GOLGA8J: variants seen among roughly 807,000 people sequenced by gnomAD.
GOLGA8J encodes the protein golgin A8 family member J.
Under a neutral mutation model 67.7 loss-of-function variants are expected in GOLGA8J, and 19 were observed. The observed-to-expected ratio is 0.28, with a 90% confidence interval of 0.20 to 0.41. GOLGA8J has a LOEUF of 0.41. GOLGA8J is among the 10% of genes least tolerant of loss of function. The probability of loss-of-function intolerance (pLI) is 1.00; values close to 1 mark genes in which losing one functional copy is unlikely to be tolerated. For synonymous variants in GOLGA8J, 69 were observed against 215.9 expected (o/e 0.32, Z 5.97); for missense variants, 205 against 584.3 (o/e 0.35, Z 6.69).
In GOLGA8J at chr15:30,089,833, C is replaced by T. The variant is rs550279228; in HGVS notation, c.1008C>T (p.Asn336=). 5 of 1,556,158 alleles carry T rather than the reference C, an allele frequency of 3.2e-6. No homozygotes were observed. Among genetic ancestry groups the T allele is most frequent in the Admixed American group, 1.7e-5 (1 of 58,068 alleles). The change falls in exon 12 of 19, where the codon AAC becomes AAT. Residue 336 remains asparagine, a synonymous_variant. Transcript: ENST00000567927. ...VKNNQRISLL[N]QRQEERIREQ... ...ACAATCAGCGCATAAGTCTCCTGAACCAGCGACAAGAAGAGAGGATTCGGG... is the reference window on the plus strand; with the variant it reads ...ACAATCAGCGCATAAGTCTCCTGAATCAGCGACAAGAAGAGAGGATTCGGG...
rs1308212833 is a variant in GOLGA8J at position 30,095,515 on chromosome 15, T to C, written c.*2016T>C. On this transcript the variant is annotated 3_prime_UTR_variant, in exon 19 of 19. Transcript: ENST00000567927. ...TGGTACGATTTGTAGCCCGTGGGTT[T>C]AAAATGCACTTAAAGTCCTGTTCTC... 1.4e-5 allele frequency among the ~76,000 whole-genome samples: 2 copies of C among 142,994 alleles called. No homozygotes were observed. The highest frequency in any genetic ancestry group is 3.0e-5 in the Non-Finnish European group (2 of 66,378). The allele number at this position is 142,994 out of a possible 152,430, so 93.8% of individuals were successfully genotyped here.
Position 30,095,727 on chromosome 15 carries a change from G to T in GOLGA8J, c.*2228G>T, listed in dbSNP as rs1429852344. On this transcript the variant is annotated 3_prime_UTR_variant, in exon 19 of 19. Coordinates refer to ENST00000567927, the MANE Select transcript of GOLGA8J (RefSeq NM_001282472.2). Reference sequence around the variant, plus strand: ...TTATCTAATACATTGATAAATTATTGCAAAGGTACTTTTATCGTTGAAATC... The same window carrying T: ...TTATCTAATACATTGATAAATTATTTCAAAGGTACTTTTATCGTTGAAATC... Among the ~76,000 whole-genome samples, 2 of 87,844 alleles carry T rather than the reference G, an allele frequency of 2.3e-5. No individual in the cohort carries two copies. The highest frequency in any genetic ancestry group is 1.6e-4 in the African/African-American group (2 of 12,500). 57.6% of individuals were successfully genotyped at this position (87,844 alleles called of 152,430 possible).
chr15:30,094,930 A>G lies in GOLGA8J; in HGVS notation c.*1431A>G, dbSNP rs1190659173. 7.2e-6 allele frequency among the ~76,000 whole-genome samples: 1 copy of G among 138,160 alleles called. No homozygotes were observed. Among genetic ancestry groups the G allele is most frequent in the Non-Finnish European group, 1.5e-5 (1 of 66,326 alleles). 90.6% of individuals were successfully genotyped at this position (138,160 alleles called of 152,430 possible). A position where few individuals can be genotyped will look rare whatever the true frequency, so the allele number is the denominator to read the frequency against. ...TCGTGAATGTCAATGTATTATCAGG[A>G]AACGTGTCTATACAATCACAGAGTT... On this transcript the variant is annotated 3_prime_UTR_variant, in exon 19 of 19. Transcript: ENST00000567927.
At chr15:30,090,773 C>T (rs1293585155) in intron 13 of GOLGA8J, among the ~76,000 whole-genome samples, 6 of 124,790 alleles carry the variant, frequency 4.8e-5, no homozygotes, top group African/African-American at 2.2e-4. Context: ...ACGAGAATTG[C>T]TTCAACCCAG....
chr15:30,085,038 T>G (rs2057335698), intron 2 of GOLGA8J, 148 bp downstream of exon 2: 1 of 474,442 alleles, frequency 2.1e-6, no homozygotes. Flanking sequence ...ATCCTAGCAC[T>G]TTGGGAGGCC....
At chr15:30,084,962 T>C in intron 2 of GOLGA8J, 72 bp downstream of exon 2, 2 of 1,471,626 alleles carry the variant, frequency 1.4e-6, no homozygotes, top group Non-Finnish European at 1.8e-6. Context: ...GTTAAGATTG[T>C]GGATGGACTG....
At chr15:30,084,247 T>G (rs1221105925) in intron 1 of GOLGA8J, among the ~76,000 whole-genome samples, 136 of 121,544 alleles carry the variant, frequency 1.1e-3, no homozygotes, top group Middle Eastern at 4.0e-3. Flanking sequence ...TACTTAGGGA[T>G]GACAGTCACA....
rs1386463622 is a variant in GOLGA8J at position 30,094,838 on chromosome 15, C to G, written c.*1339C>G. 2.2e-5 allele frequency among the ~76,000 whole-genome samples: 3 copies of G among 138,928 alleles called. No individual in the cohort carries two copies. The highest frequency in any genetic ancestry group is 3.2e-5 in the African/African-American group (1 of 31,366). 91.1% of individuals were successfully genotyped at this position (138,928 alleles called of 152,430 possible). ...GAGTTTTAGTAGACGGTATTGTACT[C>G]TCTTTGAAAATCAAGGAGAAGTTTA... On this transcript the variant is annotated 3_prime_UTR_variant, in exon 19 of 19. Transcript: ENST00000567927.
At chr15:30,088,483 T>C (rs1910111) in intron 8 of GOLGA8J, 19,022 of 546,220 alleles carry the variant, frequency 0.035, 503 homozygotes, top group South Asian at 0.084. Context: ...GTTCAAACAG[T>C]GGTAATAATA....
chr15:30,088,563 A>G (rs1448961267), intron 8 of GOLGA8J, among the ~76,000 whole-genome samples, 177 bp from the exon 9 acceptor site: 1 of 147,936 alleles, frequency 6.8e-6, no homozygotes, highest in Non-Finnish European at 1.5e-5. Flanking sequence ...ACTCAGTCTC[A>G]TTCCCTGTCC....
rs1353312114 is a variant in GOLGA8J at position 30,095,022 on chromosome 15, C to T, written c.*1523C>T. ...TGTACCTCTGGGTTTCTGTTCGGGA[C>T]ATATTTTGTGCAATATTTATGTGAT... On this transcript the variant is annotated 3_prime_UTR_variant, in exon 19 of 19. Coordinates refer to ENST00000567927, the MANE Select transcript of GOLGA8J (RefSeq NM_001282472.2). 6.8e-6 allele frequency among the ~76,000 whole-genome samples: 1 copy of T among 146,132 alleles called. No homozygotes were observed. The highest frequency in any genetic ancestry group is 2.7e-5 in the African/African-American group (1 of 37,324).
Position 30,089,877 on chromosome 15 carries a change from G to C in GOLGA8J, c.1052G>C (p.Arg351Pro). 2 of 1,530,030 alleles carry C rather than the reference G, an allele frequency of 1.3e-6. No homozygotes were observed. The highest frequency in any genetic ancestry group is 1.7e-6 in the Non-Finnish European group (2 of 1,145,982). 94.8% of individuals were successfully genotyped at this position (1,530,030 alleles called of 1,614,324 possible). The part of the protein sequence containing the change: ...ERIREQEERL[R>P]KQEERIQEQH... ...ATTCGGGAGCAGGAAGAGAGGCTTC[G>C]GAAGCAGGAGGAGAGGATTCAGGAG... The change falls in exon 12 of 19, where the codon CGG becomes CCG. Residue 351 changes from arginine (R) to proline (P), a missense_variant. Physicochemically the swap from Arg to Pro is moderately radical, Grantham distance 103. Coordinates refer to ENST00000567927, the MANE Select transcript of GOLGA8J (RefSeq NM_001282472.2).
chr15:30,085,227 G>A (rs1159811325), intron 2 of GOLGA8J, among the ~76,000 whole-genome samples: 1 of 80,636 alleles, frequency 1.2e-5, no homozygotes, highest in Admixed American at 1.1e-4. Flanking sequence ...GCTTGCAGTA[G>A]CCAAGATTAT....
In GOLGA8J at chr15:30,096,373, T is replaced by G. The variant is rs1295439151; in HGVS notation, c.*2874T>G. Among the ~76,000 whole-genome samples, 2 of 150,324 alleles carry G rather than the reference T, an allele frequency of 1.3e-5. No individual in the cohort carries two copies. The highest frequency in any genetic ancestry group is 2.9e-5 in the Non-Finnish European group (2 of 67,892). On this transcript the variant is annotated 3_prime_UTR_variant, in exon 19 of 19. Transcript: ENST00000567927. The stretch of plus-strand genomic sequence containing the variant: ...ATATAGTTTCTCTAAAACTTTATTT[T>G]AAAGAGTCATTTTAAAATAATATAA...
intron 8 of GOLGA8J, 137 bp from the exon 9 acceptor site, chr15:30,088,603 C>G: frequency 1.2e-6 from 1 of 826,674 alleles, no homozygotes; most frequent in East Asian, 2.7e-5. Context: ...CTTTTAAAAA[C>G]CAGACCACGG....
Position 30,088,734 on chromosome 15 carries a change from A to T in GOLGA8J, c.592-6A>T. ...AGATTGAAACTTCTCACTCTTCACC[A>T]TCCAGTTGTCCAGCCGCAGCAAAGC... On this transcript the variant is annotated splice_region_variant and splice_polypyrimidine_tract_variant and intron_variant, in intron 8 of 18. Transcript: ENST00000567927. 1.2e-6 allele frequency: 1 copy of T among 863,430 alleles called. No individual in the cohort carries two copies. The highest frequency in any genetic ancestry group is 1.9e-6 in the Non-Finnish European group (1 of 529,402). The allele number at this position is 863,430 out of a possible 1,614,324, so 53.5% of individuals were successfully genotyped here.
chr15:30,085,293 A>T (rs1342791973), intron 2 of GOLGA8J, among the ~76,000 whole-genome samples: 3 of 104,920 alleles, frequency 2.9e-5, no homozygotes, highest in Admixed American at 2.6e-4. Flanking sequence ...GAAAAAAAAA[A>T]AAAGGAATTC....
In GOLGA8J at chr15:30,089,493, G is replaced by C. The variant is rs2140567536; in HGVS notation, c.874+170G>C. On this transcript the variant is annotated intron_variant, in intron 11 of 18. Transcript: ENST00000567927. Reference sequence around the variant, plus strand: ...CATCTCAATGAGTCTCAGTGTCTCAGTGTCCCCATCAGCAAAGAGGGCCCA... The same window carrying C: ...CATCTCAATGAGTCTCAGTGTCTCACTGTCCCCATCAGCAAAGAGGGCCCA... Among the ~76,000 whole-genome samples, 2 of 135,388 alleles carry C rather than the reference G, an allele frequency of 1.5e-5. 1 individual carries two copies. Among genetic ancestry groups the C allele is most frequent in the Middle Eastern group, 6.9e-3 (2 of 290 alleles). The allele number at this position is 135,388 out of a possible 152,430, so 88.8% of individuals were successfully genotyped here.
chr15:30,092,096 C>T lies in GOLGA8J; in HGVS notation c.1331C>T (p.Pro444Leu), dbSNP rs548615349. The T allele has an allele frequency of 1.1e-5, 18 of 1,583,030 alleles. No individual in the cohort carries two copies. Among genetic ancestry groups the T allele is most frequent in the Middle Eastern group, 2.2e-4 (1 of 4,478 alleles). The change falls in exon 15 of 19, where the codon CCG becomes CTG. Residue 444 changes from proline to leucine, a missense_variant. Coordinates refer to ENST00000567927, the MANE Select transcript of GOLGA8J (RefSeq NM_001282472.2). ...SEGEEAPRPM[P>L]SVPEDPESRE... The stretch of plus-strand genomic sequence containing the variant: ...GGGGAGGAGGCACCTCGGCCCATGC[C>T]GAGTGTCCCAGAGGACCCGGAGAGC...
Sources: allele counts gnomAD v4.1 joint callset (sites outside exome capture counted in the v4.1 genomes callset), GRCh38; gene constraint gnomAD v4.1.1; transcripts MANE v1.5; gene names NCBI Gene and HGNC (gene_info 2026-07-23, HGNC 2026-07-21).